Variants in GNAT2 observed in about 807,000 individuals in gnomAD.
GNAT2 encodes the protein guanine nucleotide-binding protein G(t) subunit alpha-2.
In GNAT2, 32 loss-of-function variants were observed where a neutral mutation model predicts 40.9. That is an observed-to-expected ratio of 0.78 (90% CI 0.59 to 1.05). GNAT2 has a LOEUF of 1.05. GNAT2 is among the 50% of genes least tolerant of loss of function. The pLI is 0.00. For missense variants in GNAT2, 355 were observed against 431.5 expected, an observed-to-expected ratio of 0.82 and a Z score of 1.57; for synonymous variants, 141 against 157.2, an observed-to-expected ratio of 0.90 and a Z score of 0.77.
rs374346300 is a variant in GNAT2 at position 109,603,938 on chromosome 1, C to T, written c.874+13G>A. The T allele has an allele frequency of 1.9e-6, 3 of 1,577,444 alleles. No homozygotes were observed. ...AAAAGGCATTATTATTATTTCCAGC[C>T]CCTGACACTTACCATCATACTCTGG... is the stretch of plus-strand genomic sequence containing the variant. On this transcript the variant is annotated intron_variant, in intron 8 of 8. Coordinates refer to ENST00000679935, the MANE Select transcript of GNAT2 (RefSeq NM_001377295.2).
At chr1:109,616,449 C>T (rs1649951785) in intron 1 of GNAT2, 1 of 152,152 alleles carries the variant, frequency 6.6e-6, no homozygotes, top group African/African-American at 2.4e-5. Flanking sequence ...TGTCTGACAT[C>T]CGTGGTAAGC....
chr1:109,618,794 A>G (rs1015883455), intron 1 of GNAT2, among the ~76,000 whole-genome samples: 4 of 152,140 alleles, frequency 2.6e-5, no homozygotes, highest in South Asian at 2.1e-4. Flanking sequence ...AAGTTTGTTC[A>G]GGGAACAGTA....
chr1:109,609,791 A>G, intron 4 of GNAT2: 1 of 505,804 alleles, frequency 2.0e-6, no homozygotes, highest in South Asian at 2.0e-5. Context: ...TCTGAACTTC[A>G]GTTTTTCCAT....
rs867004827 is a variant in GNAT2 at position 109,610,467 on chromosome 1, C to T, written c.159G>A (p.Met53Ile). 6.2e-7 allele frequency: 1 copy of T among 1,613,640 alleles called. No homozygotes were observed. Among genetic ancestry groups the T allele is most frequent in the African/African-American group, 1.3e-5 (1 of 74,904 alleles). ...ESGKSTIVKQ[M>I]KIIHQDGYSP... ...TTTGGGGCTTTGTTTCTACTCACTTCATCTGTTTGACGATGGTGCTCTTTC... is the reference window on the plus strand; with the variant it reads ...TTTGGGGCTTTGTTTCTACTCACTTTATCTGTTTGACGATGGTGCTCTTTC... The change falls in exon 3 of 9, where the codon ATG becomes ATA. Residue 53 changes from methionine (M) to isoleucine (I), a missense_variant and splice_region_variant. By Grantham distance (10) the Met-to-Ile change is conservative. Coordinates refer to ENST00000679935, the MANE Select transcript of GNAT2 (RefSeq NM_001377295.2).
chr1:109,613,427 G>C (rs476641), intron 1 of GNAT2: 107,564 of 164,554 alleles, frequency 0.65, 35,477 homozygotes, highest in East Asian at 0.89. Context: ...GGCTGGTCCT[G>C]GCCAGGAAAT....
chr1:109,607,451 C>CAAAAAAAAAAAAAAAAAAA lies in GNAT2; in HGVS notation c.462-1016_462-1015insTTTTTTTTTTTTTTTTTTT, dbSNP rs35202692. On this transcript the variant is annotated intron_variant, in intron 5 of 8. Transcript: ENST00000679935. ...GGGTGACAAAGCGAGACTCCGTCTC[C>CAAAAAAAAAAAAAAAAAAA]AAAAAAAAAAAAGGCAAGAGGAAGG... 3 of 126,770 alleles carry CAAAAAAAAAAAAAAAAAAA rather than the reference C, an allele frequency of 2.4e-5. 1 individual carries two copies. Among genetic ancestry groups the CAAAAAAAAAAAAAAAAAAA allele is most frequent in the Non-Finnish European group, 3.2e-5 (2 of 61,888 alleles). The allele number at this position is 126,770 out of a possible 1,614,324, so 7.9% of individuals were successfully genotyped here.
chr1:109,605,578 A>G (rs1286542466), intron 7 of GNAT2: 3 of 324,572 alleles, frequency 9.2e-6, no homozygotes, highest in South Asian at 2.6e-5. Flanking sequence ...GATTCATATC[A>G]TATGTTATTT....
intron 5 of GNAT2, 49 bp from the exon 6 acceptor site, chr1:109,606,485 T>A (rs1649601846): frequency 1.3e-6 from 2 of 1,546,692 alleles, no homozygotes; most frequent in African/African-American, 1.4e-5. Flanking sequence ...CAGACGAGGC[T>A]AAGAGACGTA....
chr1:109,609,841 A>C, intron 4 of GNAT2, 199 bp downstream of exon 4: 1 of 624,374 alleles, frequency 1.6e-6, no homozygotes, highest in Non-Finnish European at 2.9e-6. Flanking sequence ...CGTCTACCTT[A>C]AGGTCTTACT....
At chr1:109,614,343 C>T (rs1057306837) in intron 1 of GNAT2, 3 of 152,198 alleles carry the variant, frequency 2.0e-5, no homozygotes, top group African/African-American at 7.2e-5. Flanking sequence ...TTAGGTGCCA[C>T]TGACTAGAAG....
At chr1:109,612,994 G>T (rs1266778537) in intron 1 of GNAT2, 71 bp from the exon 2 acceptor site, 1 of 765,474 alleles carries the variant, frequency 1.3e-6, no homozygotes, top group Non-Finnish European at 2.4e-6. Context: ...CTAAAAGCTG[G>T]TCTGTACGAT....
chr1:109,605,594 G>A, intron 7 of GNAT2: 1 of 335,726 alleles, frequency 3.0e-6, no homozygotes, highest in Non-Finnish European at 5.8e-6. Flanking sequence ...TATTTTCTCT[G>A]TTCTGTCATT....
intron 2 of GNAT2, 111 bp downstream of exon 2, chr1:109,612,642 A>T (rs555611493): frequency 1.3e-6 from 1 of 773,398 alleles, no homozygotes; most frequent in African/African-American, 1.7e-5. Context: ...AGAGGAGAGG[A>T]AAAATGACCT....
rs1162552300 is a variant in GNAT2, at chr1:109,608,788, C to A, written c.304G>T (p.Asp102Tyr). The change falls in exon 5 of 9, where the codon GAT (aspartate) becomes TAT (tyrosine). Residue 102 changes from aspartate (D) to tyrosine (Y), a missense_variant and splice_region_variant. By Grantham distance (160) the Asp-to-Tyr change is radical (BLOSUM62 -3). Transcript: ENST00000679935. ...GIDYAEPSCA[D>Y]DGRQLNNLAD... Reference sequence around the variant, plus strand: ...AGGTTGTTGAGCTGTCGCCCGTCATCCTGTAATGCAGAAACCTGGTTAAGA... The same window carrying A: ...AGGTTGTTGAGCTGTCGCCCGTCATACTGTAATGCAGAAACCTGGTTAAGA... 2 of 1,613,504 alleles carry A rather than the reference C, an allele frequency of 1.2e-6. No individual in the cohort carries two copies. The highest frequency in any genetic ancestry group is 2.2e-5 in the East Asian group (1 of 44,894).
chr1:109,609,224 G>A (rs1375389605), intron 4 of GNAT2: 1 of 203,172 alleles, frequency 4.9e-6, no homozygotes, highest in Non-Finnish European at 1.0e-5. Flanking sequence ...ACTAGAAGTA[G>A]GGATTTCACT....
Position 109,612,794 on chromosome 1 carries a change from T to G in GNAT2, c.77A>C (p.Asp26Ala), listed in dbSNP as rs748317500. 6.2e-7 allele frequency: 1 copy of G among 1,612,852 alleles called. No homozygotes were observed. The highest frequency in any genetic ancestry group is 2.2e-5 in the East Asian group (1 of 44,892). Residue 26 changes from aspartate to alanine, a missense_variant, in exon 2 of 9, where the codon GAT (aspartate) becomes GCT (alanine). By Grantham distance (126) the Asp-to-Ala change is moderately radical. Transcript: ENST00000679935. ...GACAGTCTTGGCTTCCTTATCAGCA[T>G]CCTCCTGCAGCTTCTTTTCTAGCTC... The part of the protein sequence containing the change: ...SKELEKKLQE[D>A]ADKEAKTVKL...
In GNAT2 at chr1:109,609,090, G is replaced by A. The variant is rs183403642; in HGVS notation, c.304-302C>T. The A allele has an allele frequency of 7.0e-4, 312 of 443,356 alleles. 2 individuals carry two copies. Among genetic ancestry groups the A allele is most frequent in the African/African-American group, 5.7e-3 (287 of 50,092 alleles). The allele number at this position is 443,356 out of a possible 1,614,324, so 27.5% of individuals were successfully genotyped here. On this transcript the variant is annotated intron_variant, in intron 4 of 8. Transcript: ENST00000679935. The stretch of plus-strand genomic sequence containing the variant: ...GTCTGAAAGTTTACCGCCACAAAAC[G>A]TGGGTCCTCTGCTGCAGAGAGACTG...
At chr1:109,610,345 G>T in intron 3 of GNAT2, 120 bp downstream of exon 3, 2 of 1,199,204 alleles carry the variant, frequency 1.7e-6, no homozygotes, top group Non-Finnish European at 2.5e-6. Context: ...AGGGGCATTG[G>T]AATCAGATCC....
chr1:109,616,172 C>T (rs1010369984), intron 1 of GNAT2: 2 of 152,306 alleles, frequency 1.3e-5, no homozygotes, highest in African/African-American at 2.4e-5. Context: ...GTTCCTGTGC[C>T]TTTCCTGTGG....
Sources: allele counts gnomAD v4.1 joint callset (sites outside exome capture counted in the v4.1 genomes callset), GRCh38; gene constraint gnomAD v4.1.1; transcripts MANE v1.5; gene names NCBI Gene and HGNC (gene_info 2026-07-23, HGNC 2026-07-21).